The following PPP4R4 variants were observed in gnomAD, a reference collection of about 807,000 sequenced individuals.
PPP4R4 encodes the protein protein phosphatase 4 regulatory subunit 4.
PPP4R4 carries 70 observed loss-of-function variants against 121.8 expected under a neutral mutation model. The ratio of observed to expected loss-of-function variants is 0.57; its 90% CI spans 0.47 to 0.70. PPP4R4 has a LOEUF of 0.70. Ranked by LOEUF, PPP4R4 falls within the 30% of genes least tolerant of loss-of-function variation. The pLI, the probability that PPP4R4 is intolerant of heterozygous loss-of-function variation, is 0.00. For missense variants in PPP4R4, 875 were observed against 1,033.6 expected, an observed-to-expected ratio of 0.85 and a Z score of 2.10; for synonymous variants, 348 against 355.7, an observed-to-expected ratio of 0.98 and a Z score of 0.24.
At chr14:94,210,510 A>G (rs1348870019) in intron 3 of PPP4R4, among the ~76,000 whole-genome samples, 1 of 152,104 alleles carries the variant, frequency 6.6e-6, no homozygotes. Flanking sequence ...ATACTAATGA[A>G]CATGTACTAA....
Position 94,265,866 on chromosome 14 carries a change from G to A in PPP4R4, c.2357G>A (p.Gly786Asp), listed in dbSNP as rs1049948791. ...AATCAAGCTTTTCATGCAAAATATG[G>A]CAACTTAGAGAAATGTGCTAGGTAC... is the stretch of plus-strand genomic sequence containing the variant. ...FNNQAFHAKY[G>D]NLEKCASKSS... Residue 786 changes from glycine (G) to aspartate (D), a missense_variant, in exon 22 of 25, where the codon GGC (glycine) becomes GAC (aspartate). By Grantham distance (94) the Gly-to-Asp change is moderately conservative. Coordinates refer to ENST00000304338, the MANE Select transcript of PPP4R4 (RefSeq NM_058237.2). 2 of 1,600,502 alleles carry A rather than the reference G, an allele frequency of 1.2e-6. No homozygotes were observed. Among genetic ancestry groups the A allele is most frequent in the Non-Finnish European group, 1.7e-6 (2 of 1,169,206 alleles).
At chr14:94,235,002 TG>T (rs1212598923) in intron 7 of PPP4R4, among the ~76,000 whole-genome samples, 2 of 152,200 alleles carry the variant, frequency 1.3e-5, no homozygotes, top group African/African-American at 4.8e-5. Context: ...TCCATATCCT[TG>T]GGAACTTGGT....
At chr14:94,206,266 T>G (rs1567114185) in intron 2 of PPP4R4, among the ~76,000 whole-genome samples, 1 of 152,020 alleles carries the variant, frequency 6.6e-6, no homozygotes, top group South Asian at 2.1e-4. Context: ...CTTTACTTGA[T>G]ACTCATATAG....
chr14:94,244,409 T>C (rs1892782451), intron 11 of PPP4R4, among the ~76,000 whole-genome samples: 1 of 152,222 alleles, frequency 6.6e-6, no homozygotes, highest in South Asian at 2.1e-4. Context: ...TTCTTTTGTA[T>C]TTCCTCACCC....
At chr14:94,180,210 A>G (rs1040038152) in intron 2 of PPP4R4, among the ~76,000 whole-genome samples, 1 of 152,200 alleles carries the variant, frequency 6.6e-6, no homozygotes, top group Non-Finnish European at 1.5e-5. Flanking sequence ...TTAAAACTTT[A>G]AAAGAGGATA....
At chr14:94,183,097 T>G (rs1312999723) in intron 2 of PPP4R4, among the ~76,000 whole-genome samples, 1 of 152,192 alleles carries the variant, frequency 6.6e-6, no homozygotes, top group Non-Finnish European at 1.5e-5. Flanking sequence ...CACTGTTGGT[T>G]AGAAGACTCT....
chr14:94,227,811 C>T, intron 3 of PPP4R4: 1 of 986,638 alleles, frequency 1.0e-6, no homozygotes, highest in Non-Finnish European at 1.2e-6. Context: ...TTGCAAAGTC[C>T]TTTCTGTTTC....
chr14:94,198,489 T>C (rs368090962), intron 2 of PPP4R4, among the ~76,000 whole-genome samples: 1 of 152,360 alleles, frequency 6.6e-6, no homozygotes, highest in East Asian at 1.9e-4. Flanking sequence ...TTTTCATTTT[T>C]GTAACAGTGC....
intron 14 of PPP4R4, among the ~76,000 whole-genome samples, chr14:94,247,461 A>G (rs1051119479): frequency 4.6e-5 from 7 of 152,222 alleles, no homozygotes; most frequent in Non-Finnish European, 8.8e-5. Context: ...CTGCACTGCC[A>G]GACTACCAGC....
intron 9 of PPP4R4, 130 bp from the exon 10 acceptor site, chr14:94,241,658 A>G: frequency 1.5e-6 from 1 of 674,854 alleles, no homozygotes; most frequent in Admixed American, 3.6e-5. Flanking sequence ...TGTTCCTTTT[A>G]TTTATAAAGT....
chr14:94,227,364 G>A (rs1891774343), intron 3 of PPP4R4: 3 of 1,611,324 alleles, frequency 1.9e-6, no homozygotes, highest in Non-Finnish European at 2.5e-6. Context: ...ACTCTGTGGA[G>A]GAGAACACTT....
chr14:94,254,292 A>C lies in PPP4R4; in HGVS notation c.1866-2168A>C, dbSNP rs558763705. Among the ~76,000 whole-genome samples, 6 of 152,272 alleles carry C rather than the reference A, an allele frequency of 3.9e-5. No homozygotes were observed. In the East Asian group the frequency reaches 1.2e-3, roughly 29 times the overall value. On this transcript the variant is annotated intron_variant, in intron 16 of 24. Transcript: ENST00000304338. ...TTGTTAAGTGTTTTTGTTTTTCCTT[A>C]AGTTAATGTTTAAAATTTAAATTCA...
chr14:94,207,527 T>C (rs964923423), intron 2 of PPP4R4, among the ~76,000 whole-genome samples: 2 of 152,002 alleles, frequency 1.3e-5, no homozygotes, highest in African/African-American at 4.8e-5. Flanking sequence ...TAAAGTCTTA[T>C]GTACGTATAA....
intron 3 of PPP4R4, among the ~76,000 whole-genome samples, chr14:94,218,393 A>G (rs1891152435): frequency 6.7e-6 from 1 of 148,446 alleles, no homozygotes. Context: ...GTGCACACAC[A>G]CACACACACC....
chr14:94,250,323 C>T (rs1893113953), intron 15 of PPP4R4, 46 bp downstream of exon 15: 1 of 1,334,472 alleles, frequency 7.5e-7, no homozygotes, highest in East Asian at 2.3e-5. Context: ...AGTAAACAAA[C>T]TAGTTGGCTT....
chr14:94,206,536 T>C (rs1207854128), intron 2 of PPP4R4, among the ~76,000 whole-genome samples: 2 of 152,032 alleles, frequency 1.3e-5, no homozygotes, highest in African/African-American at 2.4e-5. Context: ...TGTTTTCTTT[T>C]TCTTGCCTTC....
At chr14:94,177,496 G>T (rs988713900) in intron 2 of PPP4R4, among the ~76,000 whole-genome samples, 4 of 151,966 alleles carry the variant, frequency 2.6e-5, no homozygotes, top group African/African-American at 9.7e-5. Context: ...TTTTCCCACA[G>T]TTCTTTTACT....
intron 15 of PPP4R4, 135 bp downstream of exon 15, chr14:94,250,412 C>A: frequency 1.7e-6 from 1 of 602,220 alleles, no homozygotes. Context: ...TTTTTATTTT[C>A]TAGAAATCCT....
chr14:94,246,879 G>A (rs1193274808), intron 14 of PPP4R4, among the ~76,000 whole-genome samples: 2 of 152,202 alleles, frequency 1.3e-5, no homozygotes, highest in Non-Finnish European at 2.9e-5. Context: ...GACCTTGACT[G>A]CAAAGGACCT....
Sources: allele counts gnomAD v4.1 joint callset (sites outside exome capture counted in the v4.1 genomes callset), GRCh38; gene constraint gnomAD v4.1.1; transcripts MANE v1.5; gene names NCBI Gene and HGNC (gene_info 2026-07-23, HGNC 2026-07-21).